The following ZC3H7B variants were observed in gnomAD, a reference collection of about 807,000 sequenced individuals.
ZC3H7B encodes zinc finger CCCH-type containing 7B.
In ZC3H7B, 35 loss-of-function variants were observed where a neutral mutation model predicts 116.0. That is an observed-to-expected ratio of 0.30 (90% CI 0.23 to 0.40). The LOEUF (loss-of-function observed/expected upper bound fraction) is 0.40, where lower values mean the gene tolerates loss of function less well. ZC3H7B is among the 10% of genes least tolerant of loss of function. ZC3H7B has a pLI of 1.00. For synonymous variants in ZC3H7B, 502 were observed against 545.6 expected, an observed-to-expected ratio of 0.92 and a Z score of 1.11; for missense variants, 1,011 against 1,321.5, an observed-to-expected ratio of 0.77 and a Z score of 3.64.
chr22:41,332,712 C>CTGAGGA lies in ZC3H7B; in HGVS notation c.582+486_582+491dup, dbSNP rs925184150. The CTGAGGA allele has an allele frequency of 3.2e-5, 5 of 155,224 alleles. No homozygotes were observed. The Admixed American group carries it at 3.2e-4, about 10-fold the overall frequency. 9.6% of individuals were successfully genotyped at this position (155,224 alleles called of 1,614,324 possible). A position where few individuals can be genotyped will look rare whatever the true frequency, so the allele number is the denominator to read the frequency against. On this transcript the variant is annotated intron_variant, in intron 7 of 22. Coordinates refer to ENST00000352645, the MANE Select transcript of ZC3H7B (RefSeq NM_017590.6). ...CTCTGCTTGGGAGGGGCAGCCGAGA[C>CTGAGGA]TGAGGACTCTGACAAGGAAGAGCCC... is the stretch of plus-strand genomic sequence containing the variant.
chr22:41,304,440 C>A (rs1216043304), intron 1 of ZC3H7B, among the ~76,000 whole-genome samples: 2 of 152,178 alleles, frequency 1.3e-5, no homozygotes, highest in African/African-American at 4.8e-5. Context: ...TCATGCCTGT[C>A]TGCAAGTTAC....
Position 41,355,580 on chromosome 22 carries a change from T to A in ZC3H7B, c.2146T>A (p.Cys716Ser). 6.2e-7 allele frequency: 1 copy of A among 1,614,122 alleles called. No individual in the cohort carries two copies. Among genetic ancestry groups the A allele is most frequent in the Non-Finnish European group, 8.5e-7 (1 of 1,180,000 alleles). The change falls in exon 18 of 23, where the codon TGT becomes AGT. Residue 716 changes from cysteine to serine, a missense_variant. This residue lies in a region of ZC3H7B where 406 missense variants were observed against 590.2 expected (regional missense o/e 0.69). Coordinates refer to ENST00000352645, the MANE Select transcript of ZC3H7B (RefSeq NM_017590.6). The part of the protein sequence containing the change: ...VVEPDKDLKY[C>S]SAKARHCWTK... ...GGAGCCTGACAAGGACCTCAAGTAC[T>A]GTAGTGCCAAGGCCCGGCACTGGTG...
intron 2 of ZC3H7B, among the ~76,000 whole-genome samples, chr22:41,323,466 G>T (rs898967051): frequency 6.6e-6 from 1 of 152,200 alleles, no homozygotes; most frequent in Non-Finnish European, 1.5e-5. Context: ...TTTCCCCTAC[G>T]GGGTCATTGT....
intron 1 of ZC3H7B, among the ~76,000 whole-genome samples, chr22:41,312,204 T>C (rs1225576595): frequency 6.6e-6 from 1 of 150,638 alleles, no homozygotes; most frequent in Non-Finnish European, 1.5e-5. Flanking sequence ...TGGTGGCTCA[T>C]GCCCGTAATC....
chr22:41,310,814 G>A (rs909104316), intron 1 of ZC3H7B, among the ~76,000 whole-genome samples: 21 of 152,080 alleles, frequency 1.4e-4, no homozygotes, highest in African/African-American at 5.1e-4. Flanking sequence ...ACCCAGGCTG[G>A]AGTGCAGTGG....
intron 17 of ZC3H7B, 72 bp from the exon 18 acceptor site, chr22:41,355,397 C>T (rs2036700629): frequency 1.3e-6 from 2 of 1,584,354 alleles, no homozygotes; most frequent in Admixed American, 1.7e-5. Context: ...CAGAGGACAC[C>T]TGTGTGGAGA....
chr22:41,349,427 G>T lies in ZC3H7B; in HGVS notation c.1948+126G>T. ...CCCCATGGTCGCTGGAGGGGGCTTCGGGAGAGTTCAGGAGAGGTGGCTGCG... is the reference window on the plus strand; with the variant it reads ...CCCCATGGTCGCTGGAGGGGGCTTCTGGAGAGTTCAGGAGAGGTGGCTGCG... On this transcript the variant is annotated intron_variant, in intron 16 of 22. Coordinates refer to ENST00000352645, the MANE Select transcript of ZC3H7B (RefSeq NM_017590.6). The surrounding 1 kb of genome is among the most constrained non-coding windows in gnomAD (Gnocchi z 4.9). 7.7e-7 allele frequency: 1 copy of T among 1,300,464 alleles called. No homozygotes were observed. 80.6% of individuals were successfully genotyped at this position (1,300,464 alleles called of 1,614,324 possible).
At chr22:41,316,487 G>A (rs2036185099) in intron 1 of ZC3H7B, among the ~76,000 whole-genome samples, 1 of 151,338 alleles carries the variant, frequency 6.6e-6, no homozygotes, top group African/African-American at 2.4e-5. Flanking sequence ...GTAGAGACAG[G>A]GTTTCACCAT....
intron 5 of ZC3H7B, among the ~76,000 whole-genome samples, chr22:41,328,793 C>T (rs1383071845): frequency 1.3e-5 from 2 of 152,030 alleles, no homozygotes; most frequent in African/African-American, 4.8e-5. Context: ...CAACCCTGTG[C>T]CTCATGTATG....
Position 41,327,096 on chromosome 22 carries a change from C to T in ZC3H7B, c.286-110C>T. Reference sequence around the variant, plus strand: ...TCCCTGACCCAAGACTTCAGCTCCTCTGTCTCTGCCAGGAAGGGAAGCTGG... The same window carrying T: ...TCCCTGACCCAAGACTTCAGCTCCTTTGTCTCTGCCAGGAAGGGAAGCTGG... On this transcript the variant is annotated intron_variant, in intron 4 of 22. Transcript: ENST00000352645. The surrounding 1 kb of genome is among the most constrained non-coding windows in gnomAD (Gnocchi z 4.5). The T allele has an allele frequency of 6.7e-7, 1 of 1,489,986 alleles. No homozygotes were observed. The highest frequency in any genetic ancestry group is 9.0e-7 in the Non-Finnish European group (1 of 1,107,832). The allele number at this position is 1,489,986 out of a possible 1,614,324, so 92.3% of individuals were successfully genotyped here. A position where few individuals can be genotyped will look rare whatever the true frequency, so the allele number is the denominator to read the frequency against.
chr22:41,359,360 A>C lies in ZC3H7B; in HGVS notation c.*1931A>C, dbSNP rs1158764266. 6.6e-6 allele frequency: 1 copy of C among 152,400 alleles called. No individual in the cohort carries two copies. The highest frequency in any genetic ancestry group is 1.5e-5 in the Non-Finnish European group (1 of 68,054). The allele number at this position is 152,400 out of a possible 1,614,324, so 9.4% of individuals were successfully genotyped here. A position where few individuals can be genotyped will look rare whatever the true frequency, so the allele number is the denominator to read the frequency against. On this transcript the variant is annotated 3_prime_UTR_variant, in exon 23 of 23. Coordinates refer to ENST00000352645, the MANE Select transcript of ZC3H7B (RefSeq NM_017590.6). Reference sequence around the variant, plus strand: ...TGGTATCCAAGGAATCACTTTTATGAGGGCTAAAGATAAAGAATTTGGCCA... The same window carrying C: ...TGGTATCCAAGGAATCACTTTTATGCGGGCTAAAGATAAAGAATTTGGCCA...
At position 41,357,587 on chromosome 22, in the gene ZC3H7B, G is replaced by GC. The variant is rs551046010; in HGVS notation, c.*162dup. On this transcript the variant is annotated 3_prime_UTR_variant, in exon 23 of 23. Coordinates refer to ENST00000352645, the MANE Select transcript of ZC3H7B (RefSeq NM_017590.6). The surrounding 1 kb of genome is among the most constrained non-coding windows in gnomAD (Gnocchi z 5.4). ...CCCTGTCCATCTTCTCCCCACCACC[G>GC]CCCCGGTGTGCGTACCCAGGCGCAC... 7.4e-4 allele frequency: 774 copies of GC among 1,042,034 alleles called. 2 individuals carry two copies. The highest frequency in any genetic ancestry group is 1.3e-3 in the Middle Eastern group (4 of 3,110). The allele number at this position is 1,042,034 out of a possible 1,614,324, so 64.5% of individuals were successfully genotyped here. A position where few individuals can be genotyped will look rare whatever the true frequency, so the allele number is the denominator to read the frequency against.
chr22:41,318,453 T>C (rs942695900), intron 1 of ZC3H7B, among the ~76,000 whole-genome samples: 1 of 132,582 alleles, frequency 7.5e-6, no homozygotes, highest in African/African-American at 2.9e-5. Context: ...GGCGTGAACC[T>C]GGGAGGCGGA....
chr22:41,355,132 A>G (rs568204082), intron 17 of ZC3H7B, among the ~76,000 whole-genome samples: 1 of 152,280 alleles, frequency 6.6e-6, no homozygotes, highest in South Asian at 2.1e-4. Flanking sequence ...CTGGATGAAG[A>G]GTGGAGGAAG....
chr22:41,320,545 G>A, intron 1 of ZC3H7B, 110 bp from the exon 2 acceptor site: 1 of 1,231,908 alleles, frequency 8.1e-7, no homozygotes, highest in Non-Finnish European at 1.2e-6. Context: ...CATGGGGAAG[G>A]GAATGAGAGT....
At chr22:41,350,804 G>A (rs1369887031) in intron 16 of ZC3H7B, among the ~76,000 whole-genome samples, 2 of 152,182 alleles carry the variant, frequency 1.3e-5, no homozygotes, top group Non-Finnish European at 2.9e-5. Flanking sequence ...ATACATACTT[G>A]CAGATCATCA....
At chr22:41,343,312 G>T in intron 12 of ZC3H7B, 103 bp from the exon 13 acceptor site, 2 of 1,437,530 alleles carry the variant, frequency 1.4e-6, no homozygotes, top group Non-Finnish European at 1.9e-6. Context: ...GGGGAGGTAG[G>T]TATATAAGGA....
At chr22:41,310,098 G>A (rs879444549) in intron 1 of ZC3H7B, among the ~76,000 whole-genome samples, 1 of 152,038 alleles carries the variant, frequency 6.6e-6, no homozygotes, top group Non-Finnish European at 1.5e-5. Flanking sequence ...CCAGCTACTC[G>A]GGAGGCTGAG....
rs1251990744 is a variant in ZC3H7B, at chr22:41,302,500, G to A, written c.-7+728G>A. 6.6e-6 allele frequency among the ~76,000 whole-genome samples: 1 copy of A among 152,136 alleles called. No homozygotes were observed. The highest frequency in any genetic ancestry group is 2.4e-5 in the African/African-American group (1 of 41,458). On this transcript the variant is annotated intron_variant, in intron 1 of 22. Coordinates refer to ENST00000352645, the MANE Select transcript of ZC3H7B (RefSeq NM_017590.6). The surrounding 1 kb of genome is among the most constrained non-coding windows in gnomAD (Gnocchi z 5.7). ...GTCCAGGGAGTGCTAGGGGGCTGCGGACCCCGGCTCTGGCGCCTGGGGACG... is the reference window on the plus strand; with the variant it reads ...GTCCAGGGAGTGCTAGGGGGCTGCGAACCCCGGCTCTGGCGCCTGGGGACG...
Sources: allele counts gnomAD v4.1 joint callset (sites outside exome capture counted in the v4.1 genomes callset), GRCh38; gene constraint gnomAD v4.1.1; regional missense constraint gnomAD v4.1.1; non-coding constraint Gnocchi (gnomAD v3.1); transcripts MANE v1.5; gene names NCBI Gene and HGNC (gene_info 2026-07-23, HGNC 2026-07-21).